Variants in ACBD5 observed in about 807,000 individuals in gnomAD.
The protein encoded by ACBD5 is acyl-CoA binding domain containing 5, also known as acyl-CoA-binding domain-containing protein 5.
Under a neutral mutation model 71.8 loss-of-function variants are expected in ACBD5, and 40 were observed. That is an observed-to-expected ratio of 0.56 (90% CI 0.43 to 0.72). ACBD5 has a LOEUF of 0.72. ACBD5 is among the 30% of genes least tolerant of loss of function. The pLI, the probability that ACBD5 is intolerant of heterozygous loss-of-function variation, is 0.00. For synonymous variants in ACBD5, 229 were observed against 218.6 expected (o/e 1.05, Z -0.42); for missense variants, 559 against 644.5 (o/e 0.87, Z 1.44).
At chr10:27,193,946 A>G (rs995930219), downstream of ACBD5, among the ~76,000 whole-genome samples, 2 of 152,190 alleles carry the variant, frequency 1.3e-5, no homozygotes, top group Non-Finnish European at 2.9e-5. Context: ...CAAGTCATAG[A>G]TGGGTATTAA....
chr10:27,205,433 A>C (rs928145074), intron 10 of ACBD5, among the ~76,000 whole-genome samples, 185 bp from the exon 11 acceptor site: 7 of 152,054 alleles, frequency 4.6e-5, no homozygotes, highest in African/African-American at 1.7e-4. Context: ...TGCTAACTAT[A>C]CTTTGATTAT....
At chr10:27,205,153 A>C in intron 11 of ACBD5, 45 bp downstream of exon 11, 1 of 1,578,314 alleles carries the variant, frequency 6.3e-7, no homozygotes, top group Non-Finnish European at 8.7e-7. Context: ...AACAACAAAA[A>C]ACATATGAAA....
chr10:27,225,115 A>G (rs1355721722), intron 4 of ACBD5, among the ~76,000 whole-genome samples: 1 of 140,536 alleles, frequency 7.1e-6, no homozygotes, highest in African/African-American at 2.7e-5. Flanking sequence ...TCGCTCCATC[A>G]TCACCCAGGC....
intron 5 of ACBD5, among the ~76,000 whole-genome samples, chr10:27,222,882 T>C (rs2062539946): frequency 6.6e-6 from 1 of 152,148 alleles, no homozygotes; most frequent in African/African-American, 2.4e-5. Flanking sequence ...AACATATCCA[T>C]TTTAAAATTA....
Position 27,186,595 on chromosome 10 carries a change from T to C in ACBD5, c.1494-3880A>G, listed in dbSNP as rs1030341538. On this transcript the variant is annotated intron_variant, in intron 13 of 13. Coordinates refer to the ACBD5 transcript ENST00000676511. Reference sequence around the variant, plus strand: ...TATAGAATGAACTTGCATAATTATATACTCCTTAATACTAGATTGATCTAA... The same window carrying C: ...TATAGAATGAACTTGCATAATTATACACTCCTTAATACTAGATTGATCTAA... 3.0e-6 allele frequency: 4 copies of C among 1,336,576 alleles called. No homozygotes were observed. In the African/African-American group the frequency reaches 5.7e-5, roughly 19 times the overall value. 82.8% of individuals were successfully genotyped at this position (1,336,576 alleles called of 1,614,324 possible).
chr10:27,213,650 G>A (rs1344858495), intron 8 of ACBD5, among the ~76,000 whole-genome samples: 3 of 151,932 alleles, frequency 2.0e-5, no homozygotes, highest in Non-Finnish European at 4.4e-5. Flanking sequence ...CCAGCTACTC[G>A]GGAGGCTGAA....
chr10:27,235,374 T>C (rs910600159), intron 2 of ACBD5, among the ~76,000 whole-genome samples, 162 bp from the exon 3 acceptor site: 1 of 152,254 alleles, frequency 6.6e-6, no homozygotes, highest in African/African-American at 2.4e-5. Context: ...TTCTGTTAGT[T>C]GCTTGCTTCT....
intron 2 of ACBD5, among the ~76,000 whole-genome samples, chr10:27,236,089 C>T (rs542383279): frequency 2.8e-5 from 4 of 142,756 alleles, no homozygotes; most frequent in East Asian, 2.0e-4. Flanking sequence ...ACTACAGCCT[C>T]GGTGACAGAG....
At position 27,230,957 on chromosome 10, in the gene ACBD5, T is replaced by A. The variant is rs543406407; in HGVS notation, c.375+791A>T. Reference sequence around the variant, plus strand: ...AGAGAACCTGAAAACTTCCTTATCTTATTCTGCTTCTGAAGGATCTATGTA... The same window carrying A: ...AGAGAACCTGAAAACTTCCTTATCTAATTCTGCTTCTGAAGGATCTATGTA... On this transcript the variant is annotated intron_variant, in intron 4 of 12. Coordinates refer to ENST00000396271, the MANE Select transcript of ACBD5 (RefSeq NM_145698.5). Among the ~76,000 whole-genome samples the A allele has an allele frequency of 1.2e-4, 19 of 152,288 alleles. No homozygotes were observed. In the South Asian group the frequency reaches 3.9e-3, roughly 32 times the overall value.
In ACBD5 at chr10:27,208,314, T is replaced by G; in HGVS notation, c.1336A>C (p.Arg446=). The G allele has an allele frequency of 6.2e-7, 1 of 1,614,200 alleles. No individual in the cohort carries two copies. The highest frequency in any genetic ancestry group is 8.5e-7 in the Non-Finnish European group (1 of 1,180,026). The change falls in exon 10 of 13, where the codon AGA becomes CGA. Residue 446 remains arginine (R), a synonymous_variant. Coordinates refer to ENST00000396271, the MANE Select transcript of ACBD5 (RefSeq NM_145698.5). ...LNEQIALVLM[R]LQEDMQNVLQ... ...ACATTCTGCATGTCCTCCTGCAGTC[T>G]CATCAGCACGAGGGCGATCTGCTCA...
chr10:27,210,496 G>A (rs541594278), intron 9 of ACBD5, among the ~76,000 whole-genome samples: 21 of 152,256 alleles, frequency 1.4e-4, no homozygotes, highest in African/African-American at 4.6e-4. Flanking sequence ...CACAGCTCAC[G>A]CCTGTAATCC....
At chr10:27,192,410 C>T (rs967026676), downstream of ACBD5, among the ~76,000 whole-genome samples, 3 of 152,082 alleles carry the variant, frequency 2.0e-5, no homozygotes, top group African/African-American at 4.8e-5. Context: ...TGGTTCTATG[C>T]CCATCACTGT....
At chr10:27,200,747 C>A (rs2059838118) in intron 12 of ACBD5, among the ~76,000 whole-genome samples, 1 of 152,174 alleles carries the variant, frequency 6.6e-6, no homozygotes, top group Admixed American at 6.5e-5. Context: ...GCGTGAGCCA[C>A]CGCGTCCGGC....
chr10:27,235,010 T>G, intron 3 of ACBD5, 82 bp downstream of exon 3: 1 of 1,396,110 alleles, frequency 7.2e-7, no homozygotes, highest in Non-Finnish European at 1.0e-6. Context: ...CACAGAATAA[T>G]ATATAACCAC....
intron 5 of ACBD5, among the ~76,000 whole-genome samples, chr10:27,222,544 A>G (rs1347134609): frequency 6.6e-6 from 1 of 151,982 alleles, no homozygotes; most frequent in East Asian, 1.9e-4. Context: ...CACCCTAAAC[A>G]CATCTATTTT....
At chr10:27,241,534 C>T (rs2065492169), upstream of ACBD5, among the ~76,000 whole-genome samples, 1 of 152,060 alleles carries the variant, frequency 6.6e-6, no homozygotes, top group Non-Finnish European at 1.5e-5. Context: ...CACCCAGCCC[C>T]AGGGAGCCAG....
At chr10:27,207,492 T>C (rs2060590962) in intron 10 of ACBD5, among the ~76,000 whole-genome samples, 1 of 152,172 alleles carries the variant, frequency 6.6e-6, no homozygotes, top group African/African-American at 2.4e-5. Context: ...ATGTCTTCTT[T>C]GATTAATCCC....
chr10:27,183,018 T>C (rs1164619113), intron 13 of ACBD5, among the ~76,000 whole-genome samples: 3 of 152,150 alleles, frequency 2.0e-5, no homozygotes, highest in African/African-American at 7.2e-5. Flanking sequence ...GAAATCTTTT[T>C]TTATGAAACC....
At chr10:27,210,313 G>T (rs1387903135) in intron 9 of ACBD5, among the ~76,000 whole-genome samples, 2 of 152,202 alleles carry the variant, frequency 1.3e-5, no homozygotes, top group African/African-American at 2.4e-5. Flanking sequence ...AAGGGAAACC[G>T]AATTAGAGCT....
Sources: gnomAD v4.1 joint callset for allele counts (sites outside exome capture counted in the v4.1 genomes callset) on GRCh38, gnomAD v4.1.1 for gene constraint, MANE v1.5 for transcripts, NCBI Gene and HGNC (gene_info 2026-07-23, HGNC 2026-07-21) for gene names.